Variants in GPC5 observed in about 807,000 individuals in gnomAD.
The protein encoded by GPC5 is glypican 5.
In GPC5, 47 loss-of-function variants were observed where a neutral mutation model predicts 53.9. The observed-to-expected ratio is 0.87, with a 90% CI of 0.69 to 1.11. GPC5 has a LOEUF of 1.11. GPC5 is among the 50% of genes most tolerant of loss of function. The probability of loss-of-function intolerance (pLI) is 0.00; values close to 1 mark genes in which losing one functional copy is unlikely to be tolerated. For synonymous variants in GPC5, 286 were observed against 263.3 expected (o/e 1.09, Z -0.84); for missense variants, 748 against 713.1 (o/e 1.05, Z -0.56).
intron 5 of GPC5, among the ~76,000 whole-genome samples, chr13:91,833,028 T>A (rs532727131): frequency 2.6e-3 from 392 of 151,470 alleles, no homozygotes; most frequent in Non-Finnish European, 3.8e-3. Flanking sequence ...GAGAGAAGAA[T>A]CAAATAGATG....
At chr13:91,533,944 T>A (rs1171299376) in intron 2 of GPC5, among the ~76,000 whole-genome samples, 1 of 152,206 alleles carries the variant, frequency 6.6e-6, no homozygotes, top group Admixed American at 6.5e-5. Flanking sequence ...GGTGCTTTAT[T>A]ATTTTTAATG....
At chr13:92,490,685 C>T (rs1879728682) in intron 7 of GPC5, among the ~76,000 whole-genome samples, 1 of 152,064 alleles carries the variant, frequency 6.6e-6, no homozygotes, top group East Asian at 1.9e-4. Context: ...TTTTTCACCT[C>T]TTCATTTTTA....
At chr13:91,848,334 G>A (rs1278903651) in intron 5 of GPC5, among the ~76,000 whole-genome samples, 1 of 152,146 alleles carries the variant, frequency 6.6e-6, no homozygotes, top group Admixed American at 6.5e-5. Context: ...AATATTTATT[G>A]GATGTTCTCG....
intron 7 of GPC5, among the ~76,000 whole-genome samples, chr13:92,438,383 A>ATAT (rs1566590536): frequency 3.2e-5 from 4 of 123,724 alleles, no homozygotes; most frequent in South Asian, 2.8e-4. Flanking sequence ...AAGCAAAATA[A>ATAT]ATATATATAT....
At chr13:91,901,853 C>T (rs1328941046) in intron 5 of GPC5, among the ~76,000 whole-genome samples, 1 of 151,924 alleles carries the variant, frequency 6.6e-6, no homozygotes, top group Non-Finnish European at 1.5e-5. Context: ...TAATATCCAG[C>T]CACATAACCA....
chr13:92,291,486 A>C (rs1305672420), intron 7 of GPC5, among the ~76,000 whole-genome samples: 1 of 152,114 alleles, frequency 6.6e-6, no homozygotes, highest in Non-Finnish European at 1.5e-5. Flanking sequence ...GGGGACATGG[A>C]GAACCTCTGT....
chr13:91,996,524 A>C (rs1311855202), intron 6 of GPC5: 1 of 152,046 alleles, frequency 6.6e-6, no homozygotes, highest in Non-Finnish European at 1.5e-5. Flanking sequence ...TTTTAAAAGC[A>C]AAAAAAATTA....
At chr13:92,798,380 T>C (rs900489638) in intron 7 of GPC5, among the ~76,000 whole-genome samples, 4 of 151,908 alleles carry the variant, frequency 2.6e-5, no homozygotes, top group Non-Finnish European at 4.4e-5. Flanking sequence ...TACAGACAAA[T>C]ATAATGCTTT....
At chr13:91,913,188 C>T (rs2139005319) in intron 6 of GPC5, among the ~76,000 whole-genome samples, 1 of 152,194 alleles carries the variant, frequency 6.6e-6, no homozygotes, top group East Asian at 1.9e-4. Flanking sequence ...ATCACGAGGT[C>T]AGGAGTTTGA....
chr13:92,005,868 T>G (rs2040601945), intron 6 of GPC5, among the ~76,000 whole-genome samples: 1 of 152,136 alleles, frequency 6.6e-6, no homozygotes, highest in African/African-American at 2.4e-5. Context: ...AAGAAGATAT[T>G]TATATGCCAC....
chr13:91,682,288 G>T (rs1474041179), intron 2 of GPC5, among the ~76,000 whole-genome samples: 1 of 152,136 alleles, frequency 6.6e-6, no homozygotes, highest in Non-Finnish European at 1.5e-5. Flanking sequence ...TTTTCCAAAA[G>T]AACTTAATAA....
intron 7 of GPC5, among the ~76,000 whole-genome samples, chr13:92,432,437 C>T (rs1176277059): frequency 4.7e-5 from 7 of 148,834 alleles, no homozygotes; most frequent in South Asian, 4.3e-4. Flanking sequence ...CTGCAAGCTC[C>T]GCCTCCTGGG....
chr13:91,689,872 C>T (rs1316283944), intron 2 of GPC5, among the ~76,000 whole-genome samples: 2 of 152,048 alleles, frequency 1.3e-5, no homozygotes, highest in Non-Finnish European at 1.5e-5. Context: ...AGAAGGAGTG[C>T]ACTCTAAAAT....
chr13:92,557,141 C>A (rs899505967), intron 7 of GPC5, among the ~76,000 whole-genome samples: 2 of 151,216 alleles, frequency 1.3e-5, no homozygotes, highest in Non-Finnish European at 3.0e-5. Context: ...AGGGATATAG[C>A]GCTATTCTAG....
At chr13:92,811,412 A>G (rs1341714312) in intron 7 of GPC5, among the ~76,000 whole-genome samples, 2 of 151,792 alleles carry the variant, frequency 1.3e-5, no homozygotes, top group Non-Finnish European at 1.5e-5. Flanking sequence ...GTGCTTATTA[A>G]CCATTTGTAT....
At chr13:92,237,281 G>A (rs754533858) in intron 7 of GPC5, among the ~76,000 whole-genome samples, 22 of 152,186 alleles carry the variant, frequency 1.4e-4, no homozygotes, top group Middle Eastern at 3.4e-3. Context: ...GTGCAGTGGC[G>A]TAATCTCAGC....
intron 3 of GPC5, among the ~76,000 whole-genome samples, chr13:91,717,422 A>G (rs981583129): frequency 1.3e-5 from 2 of 152,160 alleles, no homozygotes; most frequent in Non-Finnish European, 2.9e-5. Context: ...AGTGTTGGAG[A>G]GAAAGTCGGC....
At chr13:91,698,522 A>G (rs1422613802) in intron 3 of GPC5, among the ~76,000 whole-genome samples, 1 of 152,138 alleles carries the variant, frequency 6.6e-6, no homozygotes, top group African/African-American at 2.4e-5. Context: ...ATTATTTAGG[A>G]CAAAATGCTA....
chr13:91,975,847 A>C (rs1180700703), intron 6 of GPC5, among the ~76,000 whole-genome samples: 4 of 152,198 alleles, frequency 2.6e-5, no homozygotes, highest in African/African-American at 7.2e-5. Flanking sequence ...CACTATTCAC[A>C]CTAGCAAAGA....
Sources: gnomAD v4.1 joint callset for allele counts (sites outside exome capture counted in the v4.1 genomes callset) on GRCh38, gnomAD v4.1.1 for gene constraint, MANE v1.5 for transcripts, NCBI Gene and HGNC (gene_info 2026-07-23, HGNC 2026-07-21) for gene names.